GALNTL6: variants seen among roughly 807,000 people sequenced by gnomAD.
The protein encoded by GALNTL6 is polypeptide N-acetylgalactosaminyltransferase-like 6.
A neutral mutation model predicts 73.7 loss-of-function variants in GALNTL6; 46 were observed. That is an observed-to-expected ratio of 0.62 (90% confidence interval 0.49 to 0.80). The LOEUF is 0.80. Ranked by LOEUF, GALNTL6 falls within the 30% of genes least tolerant of loss-of-function variation. The probability of loss-of-function intolerance (pLI) is 0.00; values close to 1 mark genes in which losing one functional copy is unlikely to be tolerated. For missense variants in GALNTL6, 604 were observed against 755.0 expected, an observed-to-expected ratio of 0.80 and a Z score of 2.34; for synonymous variants, 259 against 263.7, an observed-to-expected ratio of 0.98 and a Z score of 0.17.
chr4:172,315,609 C>T (rs943251744), intron 4 of GALNTL6, among the ~76,000 whole-genome samples: 3 of 152,190 alleles, frequency 2.0e-5, no homozygotes, highest in African/African-American at 7.2e-5. Flanking sequence ...ATACTCACTC[C>T]CTTCTTCTGT....
intron 10 of GALNTL6, among the ~76,000 whole-genome samples, chr4:172,964,891 G>A (rs1750254390): frequency 6.6e-6 from 1 of 152,208 alleles, no homozygotes. Flanking sequence ...ATTCTTTTGG[G>A]AGAGCCAAAG....
intron 2 of GALNTL6, among the ~76,000 whole-genome samples, chr4:171,849,753 A>G (rs574935268): frequency 2.8e-4 from 43 of 152,366 alleles, no homozygotes; most frequent in African/African-American, 9.9e-4. Flanking sequence ...GAAGGTGGCC[A>G]TGCCGCAGGC....
At chr4:172,701,172 T>C (rs1333574473) in intron 5 of GALNTL6, among the ~76,000 whole-genome samples, 1 of 152,128 alleles carries the variant, frequency 6.6e-6, no homozygotes, top group Non-Finnish European at 1.5e-5. Flanking sequence ...ATTAGATAAA[T>C]TGATTTTTCA....
At chr4:172,770,126 C>T (rs1022632927) in intron 5 of GALNTL6, among the ~76,000 whole-genome samples, 52 of 151,910 alleles carry the variant, frequency 3.4e-4, no homozygotes, top group African/African-American at 1.2e-3. Context: ...ATTAGCTGGG[C>T]GTTGTGGTGC....
At chr4:173,002,362 C>A (rs1353557894) in intron 10 of GALNTL6, among the ~76,000 whole-genome samples, 1 of 151,764 alleles carries the variant, frequency 6.6e-6, no homozygotes, top group Non-Finnish European at 1.5e-5. Context: ...TGCACTCCAG[C>A]CTGGTGACAG....
At chr4:172,941,423 A>T (rs976920253) in intron 9 of GALNTL6, among the ~76,000 whole-genome samples, 1 of 152,170 alleles carries the variant, frequency 6.6e-6, no homozygotes, top group Non-Finnish European at 1.5e-5. Context: ...TTTATCTTCC[A>T]CTTCCTATGG....
intron 3 of GALNTL6, among the ~76,000 whole-genome samples, chr4:172,298,718 C>G (rs1442031606): frequency 1.3e-5 from 2 of 152,100 alleles, no homozygotes; most frequent in Admixed American, 6.6e-5. Flanking sequence ...GGATGAAGCC[C>G]ACTTGATCAT....
intron 3 of GALNTL6, among the ~76,000 whole-genome samples, chr4:172,291,743 AGTATTAATTTTAT>A (rs1413696152): frequency 6.5e-5 from 8 of 123,402 alleles, no homozygotes; most frequent in African/African-American, 2.5e-4. Flanking sequence ...CCCCTGCCCC[AGTATTAATTTTAT>A]GTACATTTCT....
chr4:172,910,744 G>C (rs1240966836), intron 8 of GALNTL6, among the ~76,000 whole-genome samples: 1 of 152,202 alleles, frequency 6.6e-6, no homozygotes, highest in Non-Finnish European at 1.5e-5. Flanking sequence ...CCTGAGCAAA[G>C]AGAATGAGCG....
At chr4:172,012,875 T>A (rs1579057963) in intron 2 of GALNTL6, among the ~76,000 whole-genome samples, 2 of 152,108 alleles carry the variant, frequency 1.3e-5, no homozygotes, top group Non-Finnish European at 2.9e-5. Flanking sequence ...GCATTCATTT[T>A]TGTAGCCACT....
intron 2 of GALNTL6, among the ~76,000 whole-genome samples, chr4:172,070,407 T>C (rs1731510812): frequency 9.0e-6 from 1 of 110,834 alleles, no homozygotes; most frequent in East Asian, 2.1e-4. Context: ...TTCATCCCTC[T>C]GCTCTTATGA....
intron 2 of GALNTL6, among the ~76,000 whole-genome samples, chr4:172,208,535 C>T (rs1399384652): frequency 6.6e-6 from 1 of 152,086 alleles, no homozygotes; most frequent in African/African-American, 2.4e-5. Context: ...TGGTATTTTT[C>T]TAAAGAGCAT....
At chr4:172,800,907 C>T (rs1024934995) in intron 5 of GALNTL6, among the ~76,000 whole-genome samples, 5 of 151,994 alleles carry the variant, frequency 3.3e-5, no homozygotes, top group African/African-American at 1.2e-4. Context: ...ATACAAAATT[C>T]TTATTCTAGA....
chr4:172,052,470 C>G (rs1297882193), intron 2 of GALNTL6: 12 of 1,535,072 alleles, frequency 7.8e-6, no homozygotes, highest in Non-Finnish European at 9.6e-6. Flanking sequence ...AGAGCCGGAG[C>G]TGGCCACCAG....
intron 4 of GALNTL6, among the ~76,000 whole-genome samples, chr4:172,339,268 C>G (rs1470265674): frequency 8.2e-5 from 7 of 85,306 alleles, no homozygotes; most frequent in African/African-American, 3.8e-4. Context: ...CACACACACA[C>G]ACACACACAC....
At chr4:172,515,431 T>C (rs1734568890) in intron 5 of GALNTL6, among the ~76,000 whole-genome samples, 1 of 152,206 alleles carries the variant, frequency 6.6e-6, no homozygotes, top group Admixed American at 6.5e-5. Flanking sequence ...GGATGGTCTG[T>C]GGTCTTGAGA....
At chr4:172,556,981 C>A (rs964287435) in intron 5 of GALNTL6, among the ~76,000 whole-genome samples, 1 of 151,998 alleles carries the variant, frequency 6.6e-6, no homozygotes, top group East Asian at 1.9e-4. Flanking sequence ...TTAGTTAAAC[C>A]CATGAATATT....
chr4:172,231,946 A>G (rs534070716), intron 3 of GALNTL6, among the ~76,000 whole-genome samples: 23 of 152,274 alleles, frequency 1.5e-4, no homozygotes, highest in African/African-American at 5.5e-4. Flanking sequence ...AGAAATTGGT[A>G]ATATCACAAG....
chr4:172,913,398 G>A (rs1478481226), intron 8 of GALNTL6, among the ~76,000 whole-genome samples: 3 of 152,208 alleles, frequency 2.0e-5, no homozygotes, highest in African/African-American at 7.2e-5. Flanking sequence ...ACTTTGATGA[G>A]TTGACAGAAG....
Sources: gnomAD v4.1 joint callset for allele counts (sites outside exome capture counted in the v4.1 genomes callset) on GRCh38, gnomAD v4.1.1 for gene constraint, MANE v1.5 for transcripts, NCBI Gene and HGNC (gene_info 2026-07-23, HGNC 2026-07-21) for gene names.